SLC16A14: variants seen among roughly 807,000 people sequenced by gnomAD.
SLC16A14 encodes solute carrier family 16 member 14.
SLC16A14 carries 14 observed loss-of-function variants against 35.8 expected under a neutral mutation model. The ratio of observed to expected loss-of-function variants is 0.39; its 90% CI spans 0.26 to 0.61. SLC16A14 has a LOEUF of 0.61. Among genes scored for constraint, SLC16A14 ranks in the 20% least tolerant of loss-of-function variants. SLC16A14 has a pLI of 0.51. For synonymous variants in SLC16A14, 248 were observed against 258.9 expected (o/e 0.96, Z 0.40); for missense variants, 533 against 655.0 (o/e 0.81, Z 2.03).
At chr2:230,054,896 G>GAA (rs200730244) in intron 2 of SLC16A14, among the ~76,000 whole-genome samples, 4 of 93,026 alleles carry the variant, frequency 4.3e-5, no homozygotes, top group Non-Finnish European at 9.0e-5. Context: ...CTCCATCTCA[G>GAA]AAAAAAAAAA....
chr2:230,038,677 G>A lies in SLC16A14; in HGVS notation c.1382-1146C>T, dbSNP rs2077536528. On this transcript the variant is annotated intron_variant, in intron 4 of 4. Transcript: ENST00000295190. The surrounding 1 kb of genome is among the most constrained non-coding windows in gnomAD (Gnocchi z 4.4). ...CCCAGCACTTTGGGAGACCAAGGCGGGCAGATCACATGAAGCCAGGAGTTC... is the reference window on the plus strand; with the variant it reads ...CCCAGCACTTTGGGAGACCAAGGCGAGCAGATCACATGAAGCCAGGAGTTC... 6.6e-6 allele frequency among the ~76,000 whole-genome samples: 1 copy of A among 152,112 alleles called. No individual in the cohort carries two copies. The highest frequency in any genetic ancestry group is 2.4e-5 in the African/African-American group (1 of 41,426).
chr2:230,052,930 T>C (rs113084482), intron 2 of SLC16A14, among the ~76,000 whole-genome samples: 4 of 151,292 alleles, frequency 2.6e-5, no homozygotes, highest in African/African-American at 9.7e-5. Flanking sequence ...TTCCCTTTCT[T>C]TCTCTCTCTC....
Position 230,065,250 on chromosome 2 carries a change from T to C in SLC16A14, c.-15+3305A>G, listed in dbSNP as rs556443745. Among the ~76,000 whole-genome samples, 4 of 152,264 alleles carry C rather than the reference T, an allele frequency of 2.6e-5. No homozygotes were observed. The South Asian group carries it at 6.2e-4, about 24-fold the overall frequency. On this transcript the variant is annotated intron_variant, in intron 1 of 4. Coordinates refer to ENST00000295190, the MANE Select transcript of SLC16A14 (RefSeq NM_152527.5). ...GAGGCACAAGGGTGCATGTAGAATATAGTAAAAAAGTTCTTTTTTTTTTTG... is the reference window on the plus strand; with the variant it reads ...GAGGCACAAGGGTGCATGTAGAATACAGTAAAAAAGTTCTTTTTTTTTTTG...
intron 2 of SLC16A14, among the ~76,000 whole-genome samples, chr2:230,054,091 G>GC (rs2077685508): frequency 6.6e-6 from 1 of 151,794 alleles, no homozygotes. Context: ...TGAGGTGGGG[G>GC]GGGAAGTTAA....
At chr2:230,047,426 C>A (rs528849795) in intron 3 of SLC16A14, among the ~76,000 whole-genome samples, 1 of 151,342 alleles carries the variant, frequency 6.6e-6, no homozygotes, top group Non-Finnish European at 1.5e-5. Flanking sequence ...GATCCTCTCA[C>A]CTCAGTCTCC....
chr2:230,037,205 C>T lies in SLC16A14; in HGVS notation c.*175G>A. 2.0e-6 allele frequency: 1 copy of T among 498,918 alleles called. No individual in the cohort carries two copies. Among genetic ancestry groups the T allele is most frequent in the Non-Finnish European group, 3.5e-6 (1 of 285,712 alleles). 30.9% of individuals were successfully genotyped at this position (498,918 alleles called of 1,614,324 possible). A position where few individuals can be genotyped will look rare whatever the true frequency, so the allele number is the denominator to read the frequency against. On this transcript the variant is annotated 3_prime_UTR_variant, in exon 5 of 5. Coordinates refer to ENST00000295190, the MANE Select transcript of SLC16A14 (RefSeq NM_152527.5). ...TTAAGATCTTCCAGCATTACATCTC[C>T]CCAAACAGAGAGGCAGTGCTGCTTA... is the stretch of plus-strand genomic sequence containing the variant.
At position 230,064,312 on chromosome 2, in the gene SLC16A14, GTA is replaced by G. The variant is rs1491011544; in HGVS notation, c.-15+4241_-15+4242del. The stretch of plus-strand genomic sequence containing the variant: ...TCTGTGTGTGTGTGTGTGTGTGTGT[GTA>G]TGTGTGTGTGTGTGTGTCTGTGTAT... On this transcript the variant is annotated intron_variant, in intron 1 of 4. Transcript: ENST00000295190. Among the ~76,000 whole-genome samples, 616 of 144,356 alleles carry G rather than the reference GTA, an allele frequency of 4.3e-3. 3 individuals are homozygous for G. Among genetic ancestry groups the G allele is most frequent in the African/African-American group, 0.013 (518 of 39,566 alleles). The allele number at this position is 144,356 out of a possible 152,430, so 94.7% of individuals were successfully genotyped here.
Position 230,046,461 on chromosome 2 carries a change from C to A in SLC16A14, c.665G>T (p.Gly222Val). 1.2e-6 allele frequency: 2 copies of A among 1,614,180 alleles called. No homozygotes were observed. Among genetic ancestry groups the A allele is most frequent in the Non-Finnish European group, 1.7e-6 (2 of 1,180,030 alleles). Residue 222 changes from glycine (G) to valine (V), a missense_variant, in exon 4 of 5, where the codon GGA becomes GTA. Physicochemically the swap from Gly to Val is moderately radical, Grantham distance 109 (BLOSUM62 -3). Coordinates refer to ENST00000295190, the MANE Select transcript of SLC16A14 (RefSeq NM_152527.5). The surrounding 1 kb of genome is among the most constrained non-coding windows in gnomAD (Gnocchi z 5.0). ...LSPGKNPNDP[G>V]EKDVRGLPAH... The stretch of plus-strand genomic sequence containing the variant: ...TGGCAGGCCACGCACATCTTTCTCT[C>A]CTGGGTCGTTTGGGTTTTTACCAGG...
At position 230,044,738 on chromosome 2, in the gene SLC16A14, A is replaced by ATGTG. The variant is rs1193379054; in HGVS notation, c.1381+1003_1381+1006dup. Among the ~76,000 whole-genome samples the ATGTG allele has an allele frequency of 8.9e-4, 71 of 79,842 alleles. 2 individuals are homozygous for ATGTG. The highest frequency in any genetic ancestry group is 2.2e-3 in the African/African-American group (58 of 26,096). 52.4% of individuals were successfully genotyped at this position (79,842 alleles called of 152,430 possible). On this transcript the variant is annotated intron_variant, in intron 4 of 4. Coordinates refer to ENST00000295190, the MANE Select transcript of SLC16A14 (RefSeq NM_152527.5). ...TGTGTGTGTGTGTGTGTGTGTGTGT[A>ATGTG]TGTGTGTGTGTGTGTGTGTGTGTGT...
Position 230,035,001 on chromosome 2 carries a change from A to AAAG in SLC16A14, c.*2378_*2379insCTT, listed in dbSNP as rs1454795345. 1 of 152,232 alleles carries AAAG rather than the reference A, an allele frequency of 6.6e-6. No homozygotes were observed. Among genetic ancestry groups the AAAG allele is most frequent in the Non-Finnish European group, 1.5e-5 (1 of 68,034 alleles). The allele number at this position is 152,232 out of a possible 1,614,324, so 9.4% of individuals were successfully genotyped here. On this transcript the variant is annotated 3_prime_UTR_variant, in exon 5 of 5. Coordinates refer to ENST00000295190, the MANE Select transcript of SLC16A14 (RefSeq NM_152527.5). ...ACCGTCTTCAAAGAGGACAACATTT[A>AAAG]TTTAGTTGTATGTAAATAAAAATTA...
chr2:230,067,557 T>C lies in SLC16A14; in HGVS notation c.-15+998A>G, dbSNP rs141486019. Among the ~76,000 whole-genome samples the C allele has an allele frequency of 4.2e-4, 17 of 40,548 alleles. 1 individual carries two copies. Among genetic ancestry groups the C allele is most frequent in the South Asian group, 9.7e-4 (1 of 1,032 alleles). 26.6% of individuals were successfully genotyped at this position (40,548 alleles called of 152,430 possible). On this transcript the variant is annotated intron_variant, in intron 1 of 4. Transcript: ENST00000295190. Reference sequence around the variant, plus strand: ...TCTTCTCTCTCTCTCTCTCTCTCTCTCTCTCTCTCTCTCTCACACACACAC... The same window carrying C: ...TCTTCTCTCTCTCTCTCTCTCTCTCCCTCTCTCTCTCTCTCACACACACAC...
chr2:230,044,740 G>GTGTGTGTGTGTGTGTA (rs2077589493), intron 4 of SLC16A14, among the ~76,000 whole-genome samples: 23 of 143,448 alleles, frequency 1.6e-4, no homozygotes, highest in African/African-American at 6.2e-4. Flanking sequence ...GTGTGTGTAT[G>GTGTGTGTGTGTGTGTA]TGTGTGTGTG....
intron 4 of SLC16A14, 60 bp downstream of exon 4, chr2:230,045,685 T>C: frequency 1.3e-6 from 2 of 1,583,172 alleles, no homozygotes. Context: ...TCTGGGACTT[T>C]ATAACATAAC....
intron 1 of SLC16A14, among the ~76,000 whole-genome samples, chr2:230,059,775 T>C (rs2077736607): frequency 6.6e-6 from 1 of 152,226 alleles, no homozygotes. Flanking sequence ...AAGGAAGATC[T>C]GGCTTCAGGC....
intron 2 of SLC16A14, among the ~76,000 whole-genome samples, chr2:230,054,089 G>GC (rs1553820353): frequency 6.6e-6 from 1 of 151,414 alleles, no homozygotes; most frequent in African/African-American, 2.4e-5. Context: ...CCTGAGGTGG[G>GC]GGGGGAAGTT....
At chr2:230,055,148 G>A (rs1185420390) in intron 2 of SLC16A14, among the ~76,000 whole-genome samples, 2 of 152,158 alleles carry the variant, frequency 1.3e-5, no homozygotes, top group Non-Finnish European at 2.9e-5. Flanking sequence ...GTTACTTAAT[G>A]TCTCTGAGTG....
At chr2:230,064,877 G>A (rs567334895) in intron 1 of SLC16A14, among the ~76,000 whole-genome samples, 14 of 152,206 alleles carry the variant, frequency 9.2e-5, no homozygotes, top group African/African-American at 3.4e-4. Flanking sequence ...GGGTGTGGTG[G>A]CGCATGCCTG....
intron 2 of SLC16A14, among the ~76,000 whole-genome samples, chr2:230,052,095 C>G (rs891695178): frequency 2.0e-4 from 31 of 152,186 alleles, no homozygotes; most frequent in African/African-American, 7.2e-4. Context: ...CGCCACCATG[C>G]CTGGCTAATT....
chr2:230,037,959 T>G (rs1026959177), intron 4 of SLC16A14, among the ~76,000 whole-genome samples: 5 of 152,242 alleles, frequency 3.3e-5, no homozygotes, highest in African/African-American at 1.2e-4. Context: ...CAAAAACGAT[T>G]CTGAAGTTTT....
Sources: gnomAD v4.1 joint callset for allele counts (sites outside exome capture counted in the v4.1 genomes callset) on GRCh38, gnomAD v4.1.1 for gene constraint, Gnocchi (gnomAD v3.1) non-coding constraint, MANE v1.5 for transcripts, NCBI Gene and HGNC (gene_info 2026-07-23, HGNC 2026-07-21) for gene names.